Variants in SYT14 observed in about 807,000 individuals in gnomAD.
SYT14 encodes synaptotagmin-14.
A neutral mutation model predicts 74.2 loss-of-function variants in SYT14; 32 were observed. The observed-to-expected ratio is 0.43, with a 90% CI of 0.33 to 0.58. The LOEUF is 0.58. SYT14 is among the 20% of genes least tolerant of loss of function. The pLI is 0.05. For missense variants in SYT14, 791 were observed against 981.8 expected (o/e 0.81, Z 2.60); for synonymous variants, 298 against 337.7 (o/e 0.88, Z 1.29).
At chr1:210,016,027 A>G in exon 4 of SYT14, 16 of 1,232,128 alleles carry the variant, frequency 1.3e-5, no homozygotes, top group African/African-American at 4.6e-5. Context: ...GAAATTTCCA[A>G]CAGAATCTGC....
chr1:210,062,422 A>T (rs1157131289), intron 5 of SYT14, among the ~76,000 whole-genome samples: 1 of 151,888 alleles, frequency 6.6e-6, no homozygotes, highest in Non-Finnish European at 1.5e-5. Flanking sequence ...TAATTTGTCA[A>T]ACTTTTGACA....
chr1:210,107,318 T>TATTGACAATTACA (rs2082176905), intron 7 of SYT14, among the ~76,000 whole-genome samples: 1 of 152,190 alleles, frequency 6.6e-6, no homozygotes, highest in Non-Finnish European at 1.5e-5. Flanking sequence ...GGGAATTATC[T>TATTGACAATTACA]ATTGACAATT....
chr1:210,032,495 C>T (rs772332850), intron 5 of SYT14, among the ~76,000 whole-genome samples: 12 of 151,884 alleles, frequency 7.9e-5, no homozygotes, highest in Non-Finnish European at 1.8e-4. Context: ...TCATTTATTT[C>T]CTTTCTAAAA....
chr1:210,026,782 A>G (rs2080422942), intron 5 of SYT14, among the ~76,000 whole-genome samples: 3 of 125,212 alleles, frequency 2.4e-5, no homozygotes, highest in African/African-American at 1.1e-4. Flanking sequence ...TAATAATTTA[A>G]TATTTAAGAG....
chr1:210,085,311 C>T (rs1192349378), intron 5 of SYT14, among the ~76,000 whole-genome samples: 2 of 152,218 alleles, frequency 1.3e-5, no homozygotes, highest in Non-Finnish European at 2.9e-5. Context: ...ACATCACAAT[C>T]ATCATCTGAG....
intron 5 of SYT14, among the ~76,000 whole-genome samples, chr1:210,028,351 GT>G (rs755748324): frequency 1.0e-4 from 14 of 139,698 alleles, no homozygotes; most frequent in Non-Finnish European, 2.0e-4. Flanking sequence ...TTCTATTGTT[GT>G]GCACCATCAC....
chr1:210,032,797 C>T (rs1042179220), intron 5 of SYT14, among the ~76,000 whole-genome samples: 1 of 151,770 alleles, frequency 6.6e-6, no homozygotes, highest in Non-Finnish European at 1.5e-5. Flanking sequence ...ATTAATTTAG[C>T]TATACTGTTC....
At chr1:210,040,834 T>C (rs181895183) in intron 5 of SYT14, among the ~76,000 whole-genome samples, 1 of 152,210 alleles carries the variant, frequency 6.6e-6, no homozygotes, top group East Asian at 1.9e-4. Flanking sequence ...TATTTGGTCT[T>C]CTAAAAATGA....
chr1:210,020,850 AAT>A lies in SYT14; in HGVS notation c.1097-182_1097-181del, dbSNP rs2080285868. On this transcript the variant is annotated intron_variant, in intron 4 of 9. Transcript: ENST00000637265. ...AAATCTGAAAATTCAGGTTGTGTAT[AAT>A]ATATATGTGTGTGTGTGTGTATATA... Among the ~76,000 whole-genome samples, 3 of 139,954 alleles carry A rather than the reference AAT, an allele frequency of 2.1e-5. No homozygotes were observed. The South Asian group carries it at 6.2e-4, about 29-fold the overall frequency. 91.8% of individuals were successfully genotyped at this position (139,954 alleles called of 152,430 possible).
At chr1:210,004,349 T>C (rs1317252992) in intron 2 of SYT14, among the ~76,000 whole-genome samples, 1 of 152,034 alleles carries the variant, frequency 6.6e-6, no homozygotes, top group East Asian at 1.9e-4. Context: ...ATGAACATAT[T>C]CTCAATTCCT....
intron 7 of SYT14, among the ~76,000 whole-genome samples, chr1:210,113,897 C>T (rs997406205): frequency 4.6e-5 from 7 of 151,270 alleles, no homozygotes; most frequent in African/African-American, 1.7e-4. Context: ...GCCTGGCCAT[C>T]AATACCCACA....
chr1:210,121,599 C>T (rs920357594), intron 7 of SYT14, among the ~76,000 whole-genome samples: 1 of 151,954 alleles, frequency 6.6e-6, no homozygotes, highest in Non-Finnish European at 1.5e-5. Flanking sequence ...TTGAGACCAT[C>T]CTGGCTAACA....
chr1:209,950,884 TCATA>T (rs1451957236), intron 1 of SYT14, among the ~76,000 whole-genome samples: 1 of 152,186 alleles, frequency 6.6e-6, no homozygotes, highest in African/African-American at 2.4e-5. Context: ...AATTATAAGG[TCATA>T]CATATATGGT....
chr1:209,969,879 T>C (rs1253199733), intron 2 of SYT14, among the ~76,000 whole-genome samples: 2 of 152,206 alleles, frequency 1.3e-5, no homozygotes, highest in African/African-American at 2.4e-5. Flanking sequence ...GAAGTGTCTG[T>C]TTATGTCTTT....
intron 5 of SYT14, among the ~76,000 whole-genome samples, chr1:210,048,843 C>T (rs1442531853): frequency 6.6e-6 from 1 of 152,222 alleles, no homozygotes; most frequent in African/African-American, 2.4e-5. Context: ...AAGTTAGTTA[C>T]TTCCTAGATA....
intron 1 of SYT14, among the ~76,000 whole-genome samples, chr1:209,944,469 T>C (rs189939573): frequency 1.7e-3 from 255 of 152,330 alleles, no homozygotes; most frequent in African/African-American, 5.8e-3. Context: ...TGAGATACCA[T>C]ATTTAGCATG....
chr1:209,996,697 A>G (rs1292287006), intron 2 of SYT14, among the ~76,000 whole-genome samples: 3 of 152,174 alleles, frequency 2.0e-5, no homozygotes, highest in African/African-American at 7.2e-5. Context: ...ATTGATGAAC[A>G]TAGACACGAA....
chr1:210,130,971 A>G (rs1247866046), intron 7 of SYT14, among the ~76,000 whole-genome samples: 4 of 152,212 alleles, frequency 2.6e-5, no homozygotes, highest in African/African-American at 9.6e-5. Context: ...ATCTTCAAAC[A>G]GTCTGTTTTG....
At chr1:209,948,064 A>G (rs532165223) in intron 1 of SYT14, among the ~76,000 whole-genome samples, 1 of 152,364 alleles carries the variant, frequency 6.6e-6, no homozygotes, top group East Asian at 1.9e-4. Context: ...TAGTGTAAAC[A>G]TAACTTTTGT....
Sources: allele counts gnomAD v4.1 joint callset (sites outside exome capture counted in the v4.1 genomes callset), GRCh38; gene constraint gnomAD v4.1.1; transcripts MANE v1.5; gene names NCBI Gene and HGNC (gene_info 2026-07-23, HGNC 2026-07-21).